The following SIN3A variants were observed in gnomAD, a reference collection of about 807,000 sequenced individuals.
SIN3A encodes the protein paired amphipathic helix protein Sin3a.
In SIN3A, 14 loss-of-function variants were observed where a neutral mutation model predicts 146.1. That is an observed-to-expected ratio of 0.10 (90% CI 0.06 to 0.15). The LOEUF is 0.15. Ranked by LOEUF, SIN3A falls within the 10% of genes least tolerant of loss-of-function variation. The pLI, the probability that SIN3A is intolerant of heterozygous loss-of-function variation, is 1.00. For missense variants in SIN3A, 1,028 were observed against 1,576.0 expected (o/e 0.65, Z 5.89); for synonymous variants, 572 against 572.0 (o/e 1.00, Z 0.00).
chr15:75,409,804 T>C, intron 8 of SIN3A, 32 bp downstream of exon 8: 2 of 1,604,388 alleles, frequency 1.2e-6, no homozygotes, highest in African/African-American at 1.3e-5. Flanking sequence ...TACTTGTGAG[T>C]GTCAAAATGA....
At chr15:75,421,474 G>T (rs987433266) in intron 3 of SIN3A, 1 of 152,150 alleles carries the variant, frequency 6.6e-6, no homozygotes, top group Non-Finnish European at 1.5e-5. Context: ...TAGCTTTGCT[G>T]TACTTTATAA....
chr15:75,442,932 CAAAA>C (rs34555614), intron 1 of SIN3A, among the ~76,000 whole-genome samples: 1 of 84,496 alleles, frequency 1.2e-5, no homozygotes. Flanking sequence ...AACTCTGTCT[CAAAA>C]AAAAAAAAAA....
intron 1 of SIN3A, among the ~76,000 whole-genome samples, chr15:75,440,037 G>A (rs1294521659): frequency 1.3e-5 from 2 of 151,514 alleles, no homozygotes; most frequent in Non-Finnish European, 2.9e-5. Flanking sequence ...TGTAATCCCA[G>A]CAACTTTGGA....
Position 75,375,669 on chromosome 15 carries a change from T to C in SIN3A, c.3587A>G (p.His1196Arg), listed in dbSNP as rs752254316. 1 of 1,613,924 alleles carries C rather than the reference T, an allele frequency of 6.2e-7. No homozygotes were observed. Among genetic ancestry groups the C allele is most frequent in the South Asian group, 1.1e-5 (1 of 91,076 alleles). The part of the protein sequence containing the change: ...MYRRTALLRA[H>R]QSHERVSKRL... ...ATTTCAGTTACTGGTTCTCACCTGATGAGCCCGGAGCAGGGCGGTCCTCCG... is the reference window on the plus strand; with the variant it reads ...ATTTCAGTTACTGGTTCTCACCTGACGAGCCCGGAGCAGGGCGGTCCTCCG... Residue 1196 changes from histidine to arginine, a missense_variant, in exon 20 of 21, where the codon CAT becomes CGT. Transcript: ENST00000394947.
chr15:75,421,820 C>G (rs923945021), intron 3 of SIN3A: 1 of 152,176 alleles, frequency 6.6e-6, no homozygotes, highest in East Asian at 1.9e-4. Flanking sequence ...AAGTAACATT[C>G]AAGTGGTCAG....
chr15:75,379,893 A>G (rs2072933146), intron 19 of SIN3A, among the ~76,000 whole-genome samples: 1 of 152,232 alleles, frequency 6.6e-6, no homozygotes, highest in South Asian at 2.1e-4. Flanking sequence ...TAAGATTGCT[A>G]TTCTTTGAAA....
chr15:75,377,938 A>T (rs2072894006), intron 19 of SIN3A, among the ~76,000 whole-genome samples: 1 of 152,228 alleles, frequency 6.6e-6, no homozygotes, highest in African/African-American at 2.4e-5. Context: ...CAATGTTGCC[A>T]ATGGTAAGAC....
chr15:75,417,160 T>A (rs952177864), intron 3 of SIN3A, among the ~76,000 whole-genome samples: 1 of 151,864 alleles, frequency 6.6e-6, no homozygotes, highest in Non-Finnish European at 1.5e-5. Flanking sequence ...AACTGACCTA[T>A]CACAAAGAAG....
At chr15:75,414,114 T>A (rs567580562) in intron 4 of SIN3A, 91 bp downstream of exon 4, 1 of 543,052 alleles carries the variant, frequency 1.8e-6, no homozygotes, top group East Asian at 3.4e-5. Context: ...AAAAGGAGCA[T>A]CCTTTATCTT....
At chr15:75,415,409 A>AGC (rs1411618122) in intron 3 of SIN3A, 1 of 162,600 alleles carries the variant, frequency 6.2e-6, no homozygotes, top group Non-Finnish European at 1.3e-5. Context: ...TCCCGCACTC[A>AGC]GCGCTTACAT....
chr15:75,420,006 T>C (rs2073813182), intron 3 of SIN3A: 2 of 152,168 alleles, frequency 1.3e-5, no homozygotes, highest in South Asian at 4.2e-4. Flanking sequence ...CAGTTCTAGG[T>C]AGCACAACTT....
Position 75,429,982 on chromosome 15 carries a change from A to G in SIN3A, c.189+205T>C, listed in dbSNP as rs1040204693. ...GAAGGGAGGGAAAAGAAGGGAGCAG[A>G]GTGGGATACGCAGGGAACTTCAAAG... On this transcript the variant is annotated intron_variant, in intron 2 of 20. Transcript: ENST00000394947. The G allele has an allele frequency of 1.1e-5, 6 of 533,124 alleles. No homozygotes were observed. The African/African-American group carries it at 1.2e-4, about 10-fold the overall frequency. The allele number at this position is 533,124 out of a possible 1,614,324, so 33.0% of individuals were successfully genotyped here. A position where few individuals can be genotyped will look rare whatever the true frequency, so the allele number is the denominator to read the frequency against.
At chr15:75,430,535 G>T in intron 1 of SIN3A, 127 bp from the exon 2 acceptor site, 1 of 649,494 alleles carries the variant, frequency 1.5e-6, no homozygotes, top group Admixed American at 3.6e-5. Context: ...TTTCATCTTA[G>T]TGATGAAGTT....
chr15:75,398,812 C>T (rs1235387405), intron 12 of SIN3A, among the ~76,000 whole-genome samples: 1 of 151,882 alleles, frequency 6.6e-6, no homozygotes, highest in Non-Finnish European at 1.5e-5. Context: ...GAGTTTGAGA[C>T]CAGCCTGGGT....
intron 1 of SIN3A, among the ~76,000 whole-genome samples, chr15:75,446,684 G>A (rs185604685): frequency 2.0e-5 from 3 of 151,888 alleles, no homozygotes; most frequent in Admixed American, 6.6e-5. Context: ...TAGAGACAGG[G>A]TCTTGTTATG....
In SIN3A at chr15:75,422,922, G is replaced by A. The variant is rs929731415; in HGVS notation, c.190-99C>T. 3 of 1,282,992 alleles carry A rather than the reference G, an allele frequency of 2.3e-6. No individual in the cohort carries two copies. The Admixed American group carries it at 6.9e-5, about 29-fold the overall frequency. The allele number at this position is 1,282,992 out of a possible 1,614,324, so 79.5% of individuals were successfully genotyped here. On this transcript the variant is annotated intron_variant, in intron 2 of 20. Transcript: ENST00000394947. ...CACAAATGCACAAAGATAATTAATTGGAAACCCAAATTTCTGCTGGGCGTG... is the reference window on the plus strand; with the variant it reads ...CACAAATGCACAAAGATAATTAATTAGAAACCCAAATTTCTGCTGGGCGTG...
In SIN3A at chr15:75,411,478, T is replaced by C. The variant is rs770251282; in HGVS notation, c.1008+14A>G. 9 of 1,607,830 alleles carry C rather than the reference T, an allele frequency of 5.6e-6. No individual in the cohort carries two copies. Among genetic ancestry groups the C allele is most frequent in the East Asian group, 2.2e-5 (1 of 44,816 alleles). On this transcript the variant is annotated intron_variant, in intron 6 of 20. Coordinates refer to ENST00000394947, the MANE Select transcript of SIN3A (RefSeq NM_001145358.2). ...GGTGACCTGGTTAAGACAGGCTGAA[T>C]GGGCACTCCTTACCTGATATGTGTG...
At chr15:75,407,168 G>T (rs896770879) in intron 8 of SIN3A, 24 bp from the exon 9 acceptor site, 14 of 1,501,962 alleles carry the variant, frequency 9.3e-6, no homozygotes, top group Non-Finnish European at 1.3e-5. Flanking sequence ...ATACAAACAT[G>T]TGAGATTCAA....
intron 3 of SIN3A, among the ~76,000 whole-genome samples, chr15:75,417,372 C>G (rs530828361): frequency 2.0e-5 from 3 of 149,950 alleles, no homozygotes; most frequent in Non-Finnish European, 3.0e-5. Flanking sequence ...TTAAGCCAGT[C>G]TTTTTCTTTT....
Sources: gnomAD v4.1 joint callset for allele counts (sites outside exome capture counted in the v4.1 genomes callset) on GRCh38, gnomAD v4.1.1 for gene constraint, MANE v1.5 for transcripts, NCBI Gene and HGNC (gene_info 2026-07-23, HGNC 2026-07-21) for gene names.